Variants in CHST8 observed in about 807,000 individuals in gnomAD.
The protein encoded by CHST8 is GALNAC-4-ST1.
Under a neutral mutation model 15.0 loss-of-function variants are expected in CHST8, and 10 were observed. That is an observed-to-expected ratio of 0.67 (90% confidence interval 0.41 to 1.13). The LOEUF is 1.13. Ranked by LOEUF, CHST8 falls within the 50% of genes most tolerant of loss-of-function variation. The probability of loss-of-function intolerance (pLI) is 0.00; values close to 1 mark genes in which losing one functional copy is unlikely to be tolerated. For synonymous variants in CHST8, 259 were observed against 256.6 expected (o/e 1.01, Z -0.09); for missense variants, 634 against 608.2 (o/e 1.04, Z -0.45).
intron 1 of CHST8, among the ~76,000 whole-genome samples, chr19:33,652,570 T>G (rs1972463315): frequency 6.6e-6 from 1 of 151,976 alleles, no homozygotes; most frequent in Admixed American, 6.6e-5. Context: ...GAGATGAGTT[T>G]TCACCATGTT....
At chr19:33,739,362 A>G (rs2145337311) in intron 3 of CHST8, among the ~76,000 whole-genome samples, 1 of 152,246 alleles carries the variant, frequency 6.6e-6, no homozygotes, top group Middle Eastern at 3.4e-3. Flanking sequence ...GGAAGCCATA[A>G]GCCATCCCTC....
intron 1 of CHST8, among the ~76,000 whole-genome samples, chr19:33,623,415 TC>T (rs1425596503): frequency 2.6e-5 from 4 of 152,162 alleles, no homozygotes; most frequent in Non-Finnish European, 5.9e-5. Context: ...CTTGGCGCGA[TC>T]TGGCGCAGCA....
chr19:33,622,557 T>A (rs753532939), intron 1 of CHST8, among the ~76,000 whole-genome samples: 13 of 152,168 alleles, frequency 8.5e-5, no homozygotes, highest in Non-Finnish European at 1.8e-4. Flanking sequence ...GCCGCGCTTC[T>A]GGGAACTGCC....
At chr19:33,652,312 A>G (rs1010300498) in intron 1 of CHST8, among the ~76,000 whole-genome samples, 1 of 143,250 alleles carries the variant, frequency 7.0e-6, no homozygotes, top group East Asian at 2.0e-4. Flanking sequence ...GTGTCCCTCT[A>G]GTAAGTTTAG....
At chr19:33,727,271 T>C (rs1490607180) in intron 3 of CHST8, among the ~76,000 whole-genome samples, 1 of 152,080 alleles carries the variant, frequency 6.6e-6, no homozygotes, top group African/African-American at 2.4e-5. Context: ...ATGTCAGGCT[T>C]AGGACGGACA....
chr19:33,627,517 G>T (rs1219089471), intron 1 of CHST8, among the ~76,000 whole-genome samples: 1 of 152,128 alleles, frequency 6.6e-6, no homozygotes, highest in Non-Finnish European at 1.5e-5. Context: ...AGACACAGCT[G>T]TCCTCCCAGG....
chr19:33,668,617 G>A (rs573275862), intron 2 of CHST8, among the ~76,000 whole-genome samples: 1 of 152,292 alleles, frequency 6.6e-6, no homozygotes, highest in Non-Finnish European at 1.5e-5. Flanking sequence ...TCCAAGGAGG[G>A]AGGGGAAGAG....
At chr19:33,714,003 A>G (rs1973610872) in intron 3 of CHST8, among the ~76,000 whole-genome samples, 3 of 152,224 alleles carry the variant, frequency 2.0e-5, no homozygotes, top group Non-Finnish European at 4.4e-5. Flanking sequence ...GGCGTTGCTT[A>G]GAACAACAGT....
At chr19:33,728,488 G>A (rs1973941991) in intron 3 of CHST8, among the ~76,000 whole-genome samples, 1 of 152,232 alleles carries the variant, frequency 6.6e-6, no homozygotes, top group African/African-American at 2.4e-5. Flanking sequence ...CACAGTGCCA[G>A]CAATGCCAGG....
At chr19:33,641,766 G>A (rs1972287368) in intron 1 of CHST8, among the ~76,000 whole-genome samples, 1 of 151,862 alleles carries the variant, frequency 6.6e-6, no homozygotes, top group Non-Finnish European at 1.5e-5. Context: ...GGGGGGACCT[G>A]CTGCTTTGGA....
chr19:33,743,732 A>G (rs1460355689), intron 3 of CHST8, among the ~76,000 whole-genome samples: 1 of 151,832 alleles, frequency 6.6e-6, no homozygotes, highest in Non-Finnish European at 1.5e-5. Context: ...CCTCTAACCC[A>G]AGAGAATCCT....
At chr19:33,637,075 A>G (rs1972214271) in intron 1 of CHST8, among the ~76,000 whole-genome samples, 1 of 152,170 alleles carries the variant, frequency 6.6e-6, no homozygotes, top group African/African-American at 2.4e-5. Context: ...TGATGTTGCC[A>G]TGGCATTTGT....
At chr19:33,685,221 TC>T (rs1169104057) in intron 2 of CHST8, 2 of 152,240 alleles carry the variant, frequency 1.3e-5, no homozygotes, top group Non-Finnish European at 2.9e-5. Context: ...TTGGCTGAAT[TC>T]CCAAGTCCTT....
At chr19:33,731,206 G>C (rs1973986851) in intron 3 of CHST8, among the ~76,000 whole-genome samples, 1 of 152,214 alleles carries the variant, frequency 6.6e-6, no homozygotes, top group Non-Finnish European at 1.5e-5. Context: ...TAAAGGAATA[G>C]AGAATGACTA....
At chr19:33,764,982 G>A (rs1166058435) in intron 3 of CHST8, among the ~76,000 whole-genome samples, 1 of 150,488 alleles carries the variant, frequency 6.6e-6, no homozygotes, top group East Asian at 1.9e-4. Context: ...TAGAAAAATA[G>A]TCTCCAGTCT....
chr19:33,721,839 A>G (rs947882566), intron 3 of CHST8, among the ~76,000 whole-genome samples: 4 of 143,304 alleles, frequency 2.8e-5, no homozygotes, highest in Non-Finnish European at 6.0e-5. Context: ...ATGTTTGTAT[A>G]GAGGGATGGA....
chr19:33,717,287 C>G, intron 3 of CHST8, among the ~76,000 whole-genome samples: 1 of 151,918 alleles, frequency 6.6e-6, no homozygotes, highest in East Asian at 1.9e-4. Flanking sequence ...ATGGTGAGAC[C>G]CTGTCTCTAA....
intron 3 of CHST8, among the ~76,000 whole-genome samples, chr19:33,699,740 G>C (rs1973294745): frequency 6.6e-6 from 1 of 152,148 alleles, no homozygotes; most frequent in African/African-American, 2.4e-5. Context: ...CCTTCACTCT[G>C]CGTCCCAGGG....
At chr19:33,768,310 C>T (rs1222829058) in intron 3 of CHST8, among the ~76,000 whole-genome samples, 1 of 152,108 alleles carries the variant, frequency 6.6e-6, no homozygotes, top group African/African-American at 2.4e-5. Context: ...TATGGTGGCT[C>T]GCACCTATAA....
Sources: allele counts gnomAD v4.1 joint callset (sites outside exome capture counted in the v4.1 genomes callset), GRCh38; gene constraint gnomAD v4.1.1; transcripts MANE v1.5; gene names NCBI Gene and HGNC (gene_info 2026-07-23, HGNC 2026-07-21).